The following NPAS3 variants were observed in gnomAD, a reference collection of about 807,000 sequenced individuals.
NPAS3 encodes the protein neuronal PAS domain-containing protein 3.
Under a neutral mutation model 73.1 loss-of-function variants are expected in NPAS3, and 14 were observed. The observed-to-expected ratio is 0.19, with a 90% confidence interval of 0.13 to 0.30. The LOEUF is 0.30. Among genes scored for constraint, NPAS3 ranks in the 10% least tolerant of loss-of-function variants. The pLI is 1.00. For missense variants in NPAS3, 1,096 were observed against 1,250.0 expected, an observed-to-expected ratio of 0.88 and a Z score of 1.86; for synonymous variants, 620 against 541.5, an observed-to-expected ratio of 1.14 and a Z score of -2.01.
At chr14:33,616,268 A>G (rs1449745736) in intron 5 of NPAS3, among the ~76,000 whole-genome samples, 3 of 152,140 alleles carry the variant, frequency 2.0e-5, no homozygotes, top group African/African-American at 7.2e-5. Context: ...ACAGACGAAG[A>G]TGTGATGTGC....
intron 4 of NPAS3, among the ~76,000 whole-genome samples, chr14:33,471,598 A>G (rs1453184413): frequency 6.6e-6 from 1 of 152,272 alleles, no homozygotes; most frequent in Non-Finnish European, 1.5e-5. Context: ...CTAAATGTTT[A>G]TGATACCATA....
At chr14:33,579,767 T>G (rs1003410740) in intron 5 of NPAS3, among the ~76,000 whole-genome samples, 1 of 151,948 alleles carries the variant, frequency 6.6e-6, no homozygotes, top group African/African-American at 2.4e-5. Context: ...TGTAATGAAA[T>G]ATTTTCCTTG....
intron 3 of NPAS3, among the ~76,000 whole-genome samples, chr14:33,217,937 C>T (rs1276505399): frequency 1.3e-5 from 2 of 152,192 alleles, no homozygotes; most frequent in African/African-American, 2.4e-5. Flanking sequence ...TTTTCTATCA[C>T]CATCATCAGA....
chr14:33,357,630 G>A (rs1158373590), intron 3 of NPAS3, among the ~76,000 whole-genome samples: 5 of 152,198 alleles, frequency 3.3e-5, no homozygotes, highest in East Asian at 1.9e-4. Flanking sequence ...GCGCCCCCGC[G>A]GGCTGGGCCC....
chr14:33,349,512 A>G (rs962719874), intron 3 of NPAS3, among the ~76,000 whole-genome samples: 1 of 152,186 alleles, frequency 6.6e-6, no homozygotes, highest in Admixed American at 6.5e-5. Context: ...TGATCTCTGG[A>G]TGTCTCTCAT....
chr14:33,088,495 G>T (rs552564664), intron 2 of NPAS3, among the ~76,000 whole-genome samples: 1 of 152,216 alleles, frequency 6.6e-6, no homozygotes, highest in Admixed American at 6.5e-5. Flanking sequence ...GGGGTTAGGG[G>T]TGCCCGCCAT....
intron 1 of NPAS3, among the ~76,000 whole-genome samples, chr14:32,957,910 A>G (rs932833559): frequency 2.6e-5 from 4 of 152,166 alleles, no homozygotes; most frequent in African/African-American, 9.7e-5. Flanking sequence ...AGGATGGGAC[A>G]TTTTGTAGCA....
intron 6 of NPAS3, among the ~76,000 whole-genome samples, chr14:33,699,167 C>A (rs1338192482): frequency 6.6e-6 from 1 of 152,148 alleles, no homozygotes; most frequent in Admixed American, 6.6e-5. Flanking sequence ...AAAACATGTG[C>A]ATGTGTTAAC....
At chr14:33,133,965 C>G (rs1213237207) in intron 2 of NPAS3, among the ~76,000 whole-genome samples, 1 of 152,090 alleles carries the variant, frequency 6.6e-6, no homozygotes, top group Non-Finnish European at 1.5e-5. Context: ...GCAATAACTT[C>G]AAATAGAAAA....
chr14:33,300,871 T>A (rs541573816), intron 3 of NPAS3, among the ~76,000 whole-genome samples: 2 of 152,056 alleles, frequency 1.3e-5, no homozygotes, highest in African/African-American at 4.8e-5. Flanking sequence ...CTGGCTCAGA[T>A]TGGGGACCTG....
At chr14:33,069,649 G>T (rs1019473879) in intron 2 of NPAS3, among the ~76,000 whole-genome samples, 15 of 152,132 alleles carry the variant, frequency 9.9e-5, no homozygotes, top group African/African-American at 3.1e-4. Context: ...TTTTCTCTTA[G>T]GATTTTCCAT....
intron 3 of NPAS3, among the ~76,000 whole-genome samples, chr14:33,296,122 T>C (rs916416056): frequency 2.0e-5 from 3 of 152,232 alleles, no homozygotes; most frequent in African/African-American, 4.8e-5. Flanking sequence ...CTTAGAACTT[T>C]GGAATTAGCC....
chr14:33,175,490 A>C (rs1333349844), intron 2 of NPAS3, among the ~76,000 whole-genome samples: 1 of 152,210 alleles, frequency 6.6e-6, no homozygotes. Flanking sequence ...AGCGGTGTTT[A>C]AATGATTTTT....
At chr14:33,293,526 T>G (rs1218865217) in intron 3 of NPAS3, among the ~76,000 whole-genome samples, 1 of 152,176 alleles carries the variant, frequency 6.6e-6, no homozygotes, top group Non-Finnish European at 1.5e-5. Flanking sequence ...AAGAAAACAC[T>G]TAGGATGGTA....
intron 3 of NPAS3, among the ~76,000 whole-genome samples, chr14:33,327,251 A>C (rs1015464508): frequency 6.6e-6 from 1 of 152,186 alleles, no homozygotes; most frequent in Non-Finnish European, 1.5e-5. Context: ...TACTGAATGC[A>C]CTGTCATATT....
At chr14:32,973,890 C>A (rs1236929359) in intron 1 of NPAS3, among the ~76,000 whole-genome samples, 1 of 152,142 alleles carries the variant, frequency 6.6e-6, no homozygotes, top group African/African-American at 2.4e-5. Context: ...GTTTAAGTAA[C>A]TATTTCAAGG....
chr14:33,505,763 G>T (rs2052728063), intron 4 of NPAS3, among the ~76,000 whole-genome samples: 1 of 151,918 alleles, frequency 6.6e-6, no homozygotes, highest in Non-Finnish European at 1.5e-5. Flanking sequence ...ATAGGCAGTT[G>T]CATTCAAATG....
chr14:33,741,978 A>T (rs1183191858), intron 7 of NPAS3, among the ~76,000 whole-genome samples: 1 of 152,150 alleles, frequency 6.6e-6, no homozygotes, highest in Non-Finnish European at 1.5e-5. Context: ...TACATAAAAA[A>T]GTAACAAACT....
chr14:33,598,584 A>G (rs190361404), intron 5 of NPAS3, among the ~76,000 whole-genome samples: 14 of 152,352 alleles, frequency 9.2e-5, no homozygotes, highest in Non-Finnish European at 1.3e-4. Flanking sequence ...CCAAAATTAC[A>G]AACTTGCATA....
Sources: gnomAD v4.1 joint callset for allele counts (sites outside exome capture counted in the v4.1 genomes callset) on GRCh38, gnomAD v4.1.1 for gene constraint, MANE v1.5 for transcripts, NCBI Gene and HGNC (gene_info 2026-07-23, HGNC 2026-07-21) for gene names.